The following LARGE1 variants were observed in gnomAD, a reference collection of about 807,000 sequenced individuals.
The protein encoded by LARGE1 is LARGE xylosyl- and glucuronyltransferase 1.
A neutral mutation model predicts 87.6 loss-of-function variants in LARGE1; 43 were observed. That is an observed-to-expected ratio of 0.49 (90% CI 0.38 to 0.63). LARGE1 has a LOEUF of 0.63. LARGE1 is among the 30% of genes least tolerant of loss of function. LARGE1 has a pLI of 0.00. For synonymous variants in LARGE1, 434 were observed against 394.6 expected, an observed-to-expected ratio of 1.10 and a Z score of -1.18; for missense variants, 802 against 1,000.2, an observed-to-expected ratio of 0.80 and a Z score of 2.67.
At chr22:33,490,548 T>C (rs1226549167) in intron 6 of LARGE1, among the ~76,000 whole-genome samples, 1 of 152,236 alleles carries the variant, frequency 6.6e-6, no homozygotes, top group Non-Finnish European at 1.5e-5. Context: ...GTTTTCTAAC[T>C]ACATCACTCC....
chr22:33,536,194 T>C (rs745811238), intron 6 of LARGE1, among the ~76,000 whole-genome samples: 4 of 152,308 alleles, frequency 2.6e-5, no homozygotes, highest in South Asian at 2.1e-4. Flanking sequence ...ACGAGACTAT[T>C]TGAGGACAAT....
Position 33,875,835 on chromosome 22 carries a change from C to T in LARGE1, c.-83+44160G>A, listed in dbSNP as rs183019630. Among the ~76,000 whole-genome samples the T allele has an allele frequency of 7.9e-5, 12 of 152,284 alleles. No individual in the cohort carries two copies. The East Asian group carries it at 2.1e-3, about 27-fold the overall frequency. ...ACTCTGACACCTCCGGCAGCCCCAC[C>T]TGATGGGCTCTGCTAGCCAGGTCAC... On this transcript the variant is annotated intron_variant, in intron 1 of 14. Coordinates refer to ENST00000397394, the MANE Select transcript of LARGE1 (RefSeq NM_133642.5).
At chr22:33,642,969 G>A (rs2080491389) in intron 3 of LARGE1, among the ~76,000 whole-genome samples, 1 of 152,078 alleles carries the variant, frequency 6.6e-6, no homozygotes, top group Non-Finnish European at 1.5e-5. Context: ...ATACCCCATT[G>A]TCAGTATTAG....
At position 33,362,800 on chromosome 22, in the gene LARGE1, T is replaced by C. The variant is rs917421377; in HGVS notation, c.1131+19119A>G. Among the ~76,000 whole-genome samples, 19 of 149,854 alleles carry C rather than the reference T, an allele frequency of 1.3e-4. 2 individuals carry two copies. Among genetic ancestry groups the C allele is most frequent in the Non-Finnish European group, 1.9e-4 (13 of 67,138 alleles). ...AAGTCCCTAAACAAATTTGCTTTTG[T>C]GTTAGGTGTGGGTGAGACTAAAGGG... is the stretch of plus-strand genomic sequence containing the variant. On this transcript the variant is annotated intron_variant, in intron 9 of 14. Coordinates refer to ENST00000397394, the MANE Select transcript of LARGE1 (RefSeq NM_133642.5).
At chr22:33,720,294 T>G (rs1183488223) in intron 2 of LARGE1, among the ~76,000 whole-genome samples, 2 of 152,110 alleles carry the variant, frequency 1.3e-5, no homozygotes, top group Non-Finnish European at 2.9e-5. Flanking sequence ...GTAATGCCAC[T>G]GCCGATCTGA....
At chr22:33,301,190 G>GA (rs1461563722) in intron 12 of LARGE1, among the ~76,000 whole-genome samples, 1 of 152,128 alleles carries the variant, frequency 6.6e-6, no homozygotes, top group African/African-American at 2.4e-5. Flanking sequence ...CTACTCACCA[G>GA]AAAAAATGTC....
intron 5 of LARGE1, among the ~76,000 whole-genome samples, chr22:33,569,682 A>T (rs1382358527): frequency 6.6e-6 from 1 of 151,366 alleles, no homozygotes; most frequent in Non-Finnish European, 1.5e-5. Context: ...TTCAAGTCTC[A>T]ACTTAGAAAT....
chr22:33,316,678 A>G (rs1286049756), intron 10 of LARGE1, among the ~76,000 whole-genome samples: 1 of 152,174 alleles, frequency 6.6e-6, no homozygotes, highest in East Asian at 1.9e-4. Context: ...TGGAGGCTGC[A>G]GTGAGCTGAG....
chr22:33,242,537 C>T (rs1926571895), intron 11 of LARGE1, among the ~76,000 whole-genome samples: 1 of 152,120 alleles, frequency 6.6e-6, no homozygotes. Context: ...CTCAGCACTC[C>T]TGCTGGGAAC....
At chr22:33,523,573 T>C (rs945734104) in intron 6 of LARGE1, among the ~76,000 whole-genome samples, 4 of 152,250 alleles carry the variant, frequency 2.6e-5, no homozygotes, top group East Asian at 1.9e-4. Context: ...CCACATTAGA[T>C]GCAGTGTGGT....
chr22:33,537,076 G>T (rs552295483), intron 6 of LARGE1, among the ~76,000 whole-genome samples: 136 of 152,354 alleles, frequency 8.9e-4, no homozygotes, highest in African/African-American at 3.2e-3. Flanking sequence ...CTCCCAAAGG[G>T]CTGGGATTAC....
intron 7 of LARGE1, among the ~76,000 whole-genome samples, chr22:33,426,164 T>C (rs2066870567): frequency 6.6e-6 from 1 of 152,208 alleles, no homozygotes; most frequent in South Asian, 2.1e-4. Context: ...TGGATCTCAA[T>C]CATGGAAGAG....
chr22:33,213,592 C>G (rs1261389578), intron 11 of LARGE1, among the ~76,000 whole-genome samples: 1 of 152,174 alleles, frequency 6.6e-6, no homozygotes, highest in Non-Finnish European at 1.5e-5. Context: ...CATCAATCAT[C>G]AAGGCAAGAT....
At position 33,274,598 on chromosome 22, in the gene LARGE1, G is replaced by C; in HGVS notation, c.2100C>G (p.Asn700Lys). Residue 700 changes from asparagine (N) to lysine (K), a missense_variant, in exon 15 of 15, where the codon AAC becomes AAG. Transcript: ENST00000397394. The part of the protein sequence containing the change: ...VQEYEFIVLP[N>K]AYMIHMPHAP... ...CATGAGGCATGTGGATCATGTAGGCGTTGGGCAGCACAATGAACTCATACT... is the reference window on the plus strand; with the variant it reads ...CATGAGGCATGTGGATCATGTAGGCCTTGGGCAGCACAATGAACTCATACT... 1 of 1,614,106 alleles carries C rather than the reference G, an allele frequency of 6.2e-7. No homozygotes were observed. The highest frequency in any genetic ancestry group is 8.5e-7 in the Non-Finnish European group (1 of 1,179,994).
chr22:33,772,683 T>G (rs1009317663), intron 1 of LARGE1, among the ~76,000 whole-genome samples: 6 of 152,190 alleles, frequency 3.9e-5, no homozygotes, highest in Admixed American at 3.3e-4. Flanking sequence ...GTCATTTTCT[T>G]CATAGTACTC....
At position 33,904,070 on chromosome 22, in the gene LARGE1, G is replaced by A. The variant is rs533236389; in HGVS notation, c.-83+15925C>T. On this transcript the variant is annotated intron_variant, in intron 1 of 14. Coordinates refer to ENST00000397394, the MANE Select transcript of LARGE1 (RefSeq NM_133642.5). ...TATTTTCGGCCATTCTGTCTACCCA[G>A]CTTCTCTCCTAGAATGACTCCTTCC... is the stretch of plus-strand genomic sequence containing the variant. 2.6e-5 allele frequency among the ~76,000 whole-genome samples: 4 copies of A among 152,242 alleles called. No individual in the cohort carries two copies. In the East Asian group the frequency reaches 7.7e-4, roughly 29 times the overall value.
chr22:33,719,076 A>T (rs2082999136), intron 2 of LARGE1, among the ~76,000 whole-genome samples: 1 of 152,192 alleles, frequency 6.6e-6, no homozygotes, highest in South Asian at 2.1e-4. Flanking sequence ...GCCATGAGCC[A>T]CCACACCCGG....
At chr22:33,656,496 CG>C (rs1384689109) in intron 2 of LARGE1, among the ~76,000 whole-genome samples, 1 of 152,082 alleles carries the variant, frequency 6.6e-6, no homozygotes, top group African/African-American at 2.4e-5. Context: ...ACAGCCAAAC[CG>C]TATCAATACT....
intron 1 of LARGE1, among the ~76,000 whole-genome samples, chr22:33,880,794 C>T (rs564537754): frequency 5.9e-5 from 9 of 152,162 alleles, no homozygotes; most frequent in Non-Finnish European, 1.2e-4. Flanking sequence ...TTTTGACATA[C>T]ATATTAACAT....
Sources: gnomAD v4.1 joint callset for allele counts (sites outside exome capture counted in the v4.1 genomes callset) on GRCh38, gnomAD v4.1.1 for gene constraint, MANE v1.5 for transcripts, NCBI Gene and HGNC (gene_info 2026-07-23, HGNC 2026-07-21) for gene names.